Variants in FANCF observed in about 807,000 individuals in gnomAD.
The protein encoded by FANCF is Fanconi anemia group F protein.
For synonymous variants in FANCF, 257 were observed against 205.9 expected (o/e 1.25, Z -2.13); for missense variants, 552 against 481.8 (o/e 1.15, Z -1.36).
At position 22,624,748 on chromosome 11, in the gene FANCF, G is replaced by T. The variant is rs1858614312; in HGVS notation, c.1063C>A (p.Arg355Ser). 1 of 1,614,128 alleles carries T rather than the reference G, an allele frequency of 6.2e-7. No homozygotes were observed. The highest frequency in any genetic ancestry group is 8.5e-7 in the Non-Finnish European group (1 of 1,180,026). The change falls in exon 1 of 1, where the codon CGT becomes AGT. Residue 355 changes from arginine to serine, a missense_variant. Transcript: ENST00000327470. ...SIWTDLLLAL[R>S]SGAFRKRQVL... ...TGTCTTTTCCTAAATGCACCACTAC[G>T]AAGAGCTAATAAGAGGTCTGTCCAG... is the stretch of plus-strand genomic sequence containing the variant.
In FANCF at chr11:22,625,617, T is replaced by G. The variant is rs767858278; in HGVS notation, c.194A>C (p.Gln65Pro). 2 of 1,613,620 alleles carry G rather than the reference T, an allele frequency of 1.2e-6. No individual in the cohort carries two copies. The highest frequency in any genetic ancestry group is 1.7e-5 in the Admixed American group (1 of 60,018). ...CCCAAAGCCGCCCTCTTGCCTCCAC[T>G]GGTTGTGCAGCCGCCGCTCCAGAGC... ...RTALERRLHN[Q>P]WRQEGGFGRG... The change falls in exon 1 of 1, where the codon CAG becomes CCG. Residue 65 changes from glutamine to proline, a missense_variant. Coordinates refer to ENST00000327470, the MANE Select transcript of FANCF (RefSeq NM_022725.4).
rs563296397 is a variant in FANCF, at chr11:22,623,017, G to A, written c.*1669C>T. The A allele has an allele frequency of 3.9e-5, 8 of 205,140 alleles. No individual in the cohort carries two copies. Among genetic ancestry groups the A allele is most frequent in the Middle Eastern group, 1.6e-3 (1 of 622 alleles). The allele number at this position is 205,140 out of a possible 1,614,324, so 12.7% of individuals were successfully genotyped here. On this transcript the variant is annotated 3_prime_UTR_variant, in exon 1 of 1. Transcript: ENST00000327470. ...AAAGCTAACATTAGGCCTTGCTATG[G>A]TAGAACTCTTCACTGGGTTGTTTCT...
rs61889392 is a variant in FANCF, at chr11:22,623,978, G to A, written c.*708C>T. The A allele has an allele frequency of 2.7e-3, 585 of 217,816 alleles. 4 individuals carry two copies. Among genetic ancestry groups the A allele is most frequent in the Non-Finnish European group, 3.4e-3 (367 of 108,794 alleles). The allele number at this position is 217,816 out of a possible 1,614,324, so 13.5% of individuals were successfully genotyped here. A position where few individuals can be genotyped will look rare whatever the true frequency, so the allele number is the denominator to read the frequency against. On this transcript the variant is annotated 3_prime_UTR_variant, in exon 1 of 1. Transcript: ENST00000327470. ...TGCACTCCAGTCTGGGTGACAGAGC[G>A]AGACTCCATCTCAAAAAAAAAAAAG...
rs778328116 is a variant in FANCF at position 22,625,425 on chromosome 11, A to C, written c.386T>G (p.Leu129Arg). 1 of 1,614,020 alleles carries C rather than the reference A, an allele frequency of 6.2e-7. No homozygotes were observed. Among genetic ancestry groups the C allele is most frequent in the Non-Finnish European group, 8.5e-7 (1 of 1,179,972 alleles). ...GGCAAGGCGGGCCAGGCTCTCTTGG[A>C]GTGTCTCCTCATCGGCGTCCCGGAC... ...PGVRDADEET[L>R]QESLARLARR... is the part of the protein sequence containing the mutation. The change falls in exon 1 of 1, where the codon CTC (leucine) becomes CGC (arginine). Residue 129 changes from leucine (L) to arginine (R), a missense_variant. Transcript: ENST00000327470.
Position 22,625,310 on chromosome 11 carries a change from C to T in FANCF, c.501G>A (p.Ala167=). The part of the protein sequence containing the change: ...LQEDSLMKTQ[A]ELLLERLQEV... ...CCTGCAGACGCTCCAGCAGCAGCTC[C>T]GCCTGGGTCTTCATCAGAGAGTCCT... Residue 167 remains alanine, a synonymous_variant, in exon 1 of 1, where the codon GCG becomes GCA. Coordinates refer to ENST00000327470, the MANE Select transcript of FANCF (RefSeq NM_022725.4). 1 of 1,614,246 alleles carries T rather than the reference C, an allele frequency of 6.2e-7. No individual in the cohort carries two copies.
chr11:22,624,924 C>A lies in FANCF; in HGVS notation c.887G>T (p.Gly296Val), dbSNP rs571674814. The change falls in exon 1 of 1, where the codon GGA (glycine) becomes GTA (valine). Residue 296 changes from glycine to valine, a missense_variant. Transcript: ENST00000327470. ...CCAGGGCACATCTTGGGACTCAGTT[C>A]CAACCCAAATGCCTTTCTGAAGGTC... is the stretch of plus-strand genomic sequence containing the variant. The part of the protein sequence containing the change: ...HYDLQKGIWV[G>V]TESQDVPWEE... 50 of 1,614,168 alleles carry A rather than the reference C, an allele frequency of 3.1e-5. No homozygotes were observed. In the South Asian group the frequency reaches 5.3e-4, roughly 17 times the overall value.
In FANCF at chr11:22,625,790, G is replaced by A. The variant is rs199867555; in HGVS notation, c.21C>T (p.His7=). 3.5e-5 allele frequency: 56 copies of A among 1,614,154 alleles called. 1 individual carries two copies. The Admixed American group carries it at 6.8e-4, about 20-fold the overall frequency. Reference sequence around the variant, plus strand: ...CCAGAAGCTCGGAAAAGCGATCCAGGTGCTGCAGAAGGGATTCCATGAGGT... The same window carrying A: ...CCAGAAGCTCGGAAAAGCGATCCAGATGCTGCAGAAGGGATTCCATGAGGT... MESLLQ[H]LDRFSELLAV... Residue 7 remains histidine, a synonymous_variant, in exon 1 of 1, where the codon CAC becomes CAT. Coordinates refer to ENST00000327470, the MANE Select transcript of FANCF (RefSeq NM_022725.4).
rs771462007 is a variant in FANCF, at chr11:22,625,727, G to T, written c.84C>A (p.Pro28=). The T allele has an allele frequency of 9.9e-6, 16 of 1,614,018 alleles. No individual in the cohort carries two copies. The highest frequency in any genetic ancestry group is 3.3e-4 in the Middle Eastern group (2 of 6,080). Residue 28 remains proline, a synonymous_variant, in exon 1 of 1, where the codon CCC becomes CCA. Coordinates refer to ENST00000327470, the MANE Select transcript of FANCF (RefSeq NM_022725.4). ...SSTTYVSTWD[P]ATVRRALQWA... ...ACTGCAAGGCCCGGCGCACGGTGGCGGGGTCCCAGGTGCTGACGTAGGTAG... is the reference window on the plus strand; with the variant it reads ...ACTGCAAGGCCCGGCGCACGGTGGCTGGGTCCCAGGTGCTGACGTAGGTAG...
chr11:22,625,134 A>C lies in FANCF; in HGVS notation c.677T>G (p.Ile226Ser), dbSNP rs755272604. The stretch of plus-strand genomic sequence containing the variant: ...GCTCCCCTCTCCAGGTGATTTGTGG[A>C]TGCCGGGTTCCAACTCTTCTTGGGG... Reference protein sequence around the residue: ...RRPQEELEPGIHKSPGEGSQV... With the variant: ...RRPQEELEPGSHKSPGEGSQV... Residue 226 changes from isoleucine to serine, a missense_variant, in exon 1 of 1, where the codon ATC becomes AGC. Coordinates refer to ENST00000327470, the MANE Select transcript of FANCF (RefSeq NM_022725.4). 1 of 1,607,986 alleles carries C rather than the reference A, an allele frequency of 6.2e-7. No individual in the cohort carries two copies. Among genetic ancestry groups the C allele is most frequent in the South Asian group, 1.1e-5 (1 of 90,762 alleles).
At position 22,625,629 on chromosome 11, in the gene FANCF, C is replaced by A. The variant is rs779046357; in HGVS notation, c.182G>T (p.Arg61Leu). 7 of 1,613,816 alleles carry A rather than the reference C, an allele frequency of 4.3e-6. No individual in the cohort carries two copies. The East Asian group carries it at 6.7e-5, about 15-fold the overall frequency. Residue 61 changes from arginine to leucine, a missense_variant, in exon 1 of 1, where the codon CGG becomes CTG. Arg to Leu is a moderately radical substitution (Grantham distance 102). Transcript: ENST00000327470. The part of the protein sequence containing the change: ...HGPIRTALER[R>L]LHNQWRQEGG... ...CTCTTGCCTCCACTGGTTGTGCAGC[C>A]GCCGCTCCAGAGCCGTGCGAATGGG...
Position 22,624,055 on chromosome 11 carries a change from G to C in FANCF, c.*631C>G. Reference sequence around the variant, plus strand: ...ATTTAATATCCAAAGGCATATATTCGTATTTACTGTGCTTTAAACATTTGT... The same window carrying C: ...ATTTAATATCCAAAGGCATATATTCCTATTTACTGTGCTTTAAACATTTGT... On this transcript the variant is annotated 3_prime_UTR_variant, in exon 1 of 1. Transcript: ENST00000327470. 1 of 230,642 alleles carries C rather than the reference G, an allele frequency of 4.3e-6. No homozygotes were observed. Among genetic ancestry groups the C allele is most frequent in the Non-Finnish European group, 8.6e-6 (1 of 116,514 alleles). The allele number at this position is 230,642 out of a possible 1,614,324, so 14.3% of individuals were successfully genotyped here.
chr11:22,624,025 C>G lies in FANCF; in HGVS notation c.*661G>C, dbSNP rs1268255368. On this transcript the variant is annotated 3_prime_UTR_variant, in exon 1 of 1. Transcript: ENST00000327470. ...AAAGTTTGATTCTTTTATCATCAAGCATTAATTTAATATCCAAAGGCATAT... is the reference window on the plus strand; with the variant it reads ...AAAGTTTGATTCTTTTATCATCAAGGATTAATTTAATATCCAAAGGCATAT... 1 of 227,856 alleles carries G rather than the reference C, an allele frequency of 4.4e-6. No individual in the cohort carries two copies. The highest frequency in any genetic ancestry group is 2.2e-5 in the African/African-American group (1 of 45,016). 14.1% of individuals were successfully genotyped at this position (227,856 alleles called of 1,614,324 possible).
Position 22,624,677 on chromosome 11 carries a change from C to A in FANCF, c.*9G>T. Reference sequence around the variant, plus strand: ...TATATTCTATATTCAAGTAATAACACAGCATTGCCTATACAGAACTGAGGC... The same window carrying A: ...TATATTCTATATTCAAGTAATAACAAAGCATTGCCTATACAGAACTGAGGC... On this transcript the variant is annotated 3_prime_UTR_variant, in exon 1 of 1. Coordinates refer to ENST00000327470, the MANE Select transcript of FANCF (RefSeq NM_022725.4). 6.2e-7 allele frequency: 1 copy of A among 1,612,876 alleles called. No individual in the cohort carries two copies. The highest frequency in any genetic ancestry group is 8.5e-7 in the Non-Finnish European group (1 of 1,178,842).
At position 22,625,744 on chromosome 11, in the gene FANCF, C is replaced by A. The variant is rs777143902; in HGVS notation, c.67G>T (p.Val23Phe). 6.7e-5 allele frequency: 108 copies of A among 1,614,040 alleles called. No individual in the cohort carries two copies. The highest frequency in any genetic ancestry group is 8.7e-5 in the Non-Finnish European group (103 of 1,180,040). Residue 23 changes from valine to phenylalanine, a missense_variant, in exon 1 of 1, where the codon GTC (valine) becomes TTC (phenylalanine). Physicochemically the swap from Val to Phe is conservative, Grantham distance 50. Transcript: ENST00000327470. ...ACGGTGGCGGGGTCCCAGGTGCTGACGTAGGTAGTGCTTGAGACCGCCAGA... is the reference window on the plus strand; with the variant it reads ...ACGGTGGCGGGGTCCCAGGTGCTGAAGTAGGTAGTGCTTGAGACCGCCAGA... ...ELLAVSSTTY[V>F]STWDPATVRR... is the part of the protein sequence containing the mutation.
chr11:22,625,747 A>G lies in FANCF; in HGVS notation c.64T>C (p.Tyr22His), dbSNP rs1858638924. 6.2e-7 allele frequency: 1 copy of G among 1,614,180 alleles called. No homozygotes were observed. The highest frequency in any genetic ancestry group is 1.3e-5 in the African/African-American group (1 of 75,068). Residue 22 changes from tyrosine to histidine, a missense_variant, in exon 1 of 1, where the codon TAC becomes CAC. Transcript: ENST00000327470. Reference sequence around the variant, plus strand: ...GTGGCGGGGTCCCAGGTGCTGACGTAGGTAGTGCTTGAGACCGCCAGAAGC... The same window carrying G: ...GTGGCGGGGTCCCAGGTGCTGACGTGGGTAGTGCTTGAGACCGCCAGAAGC... Reference protein sequence around the residue: ...SELLAVSSTTYVSTWDPATVR... With the variant: ...SELLAVSSTTHVSTWDPATVR...
rs936319992 is a variant in FANCF at position 22,625,770 on chromosome 11, A to G, written c.41T>C (p.Leu14Pro). Residue 14 changes from leucine to proline, a missense_variant, in exon 1 of 1, where the codon CTT becomes CCT. Transcript: ENST00000327470. Reference protein sequence around the residue: ...LLQHLDRFSELLAVSSTTYVS... With the variant: ...LLQHLDRFSEPLAVSSTTYVS... ...GTAGGTAGTGCTTGAGACCGCCAGA[A>G]GCTCGGAAAAGCGATCCAGGTGCTG... is the stretch of plus-strand genomic sequence containing the variant. 1.2e-6 allele frequency: 2 copies of G among 1,614,172 alleles called. No individual in the cohort carries two copies. Among genetic ancestry groups the G allele is most frequent in the Non-Finnish European group, 1.7e-6 (2 of 1,180,036 alleles).
chr11:22,625,699 C>A lies in FANCF; in HGVS notation c.112G>T (p.Ala38Ser). The A allele has an allele frequency of 6.2e-7, 1 of 1,614,098 alleles. No homozygotes were observed. The highest frequency in any genetic ancestry group is 1.7e-5 in the Admixed American group (1 of 60,032). ...PATVRRALQW[A>S]RYLRHIHRRF... is the part of the protein sequence containing the mutation. ...CGATGGATGTGGCGCAGGTAGCGCGCCCACTGCAAGGCCCGGCGCACGGTG... is the reference window on the plus strand; with the variant it reads ...CGATGGATGTGGCGCAGGTAGCGCGACCACTGCAAGGCCCGGCGCACGGTG... The change falls in exon 1 of 1, where the codon GCG becomes TCG. Residue 38 changes from alanine to serine, a missense_variant. Physicochemically the swap from Ala to Ser is moderately conservative, Grantham distance 99. Coordinates refer to ENST00000327470, the MANE Select transcript of FANCF (RefSeq NM_022725.4).
In FANCF at chr11:22,625,581, A is replaced by C. The variant is rs2133798342; in HGVS notation, c.230T>G (p.Val77Gly). ...RQEGGFGRGP[V>G]PGLANFQALG... ...GGCCTGGAAGTTCGCTAATCCCGGA[A>C]CTGGACCCCGCCCAAAGCCGCCCTC... Residue 77 changes from valine (V) to glycine (G), a missense_variant, in exon 1 of 1, where the codon GTT (valine) becomes GGT (glycine). Physicochemically the swap from Val to Gly is moderately radical, Grantham distance 109. Coordinates refer to ENST00000327470, the MANE Select transcript of FANCF (RefSeq NM_022725.4). 6.2e-7 allele frequency: 1 copy of C among 1,613,882 alleles called. No homozygotes were observed.
rs1018802413 is a variant in FANCF, at chr11:22,622,974, CTG to C, written c.*1710_*1711del. The C allele has an allele frequency of 9.9e-6, 2 of 201,226 alleles. No homozygotes were observed. The highest frequency in any genetic ancestry group is 2.3e-5 in the African/African-American group (1 of 43,584). 12.5% of individuals were successfully genotyped at this position (201,226 alleles called of 1,614,324 possible). On this transcript the variant is annotated 3_prime_UTR_variant, in exon 1 of 1. Transcript: ENST00000327470. ...AAATATAGGGAAGTAAGTTCACAAA[CTG>C]TTATTTTCTAAAGCTAAAGCTAACA... is the stretch of plus-strand genomic sequence containing the variant.
Sources: gnomAD v4.1 joint callset for allele counts on GRCh38, gnomAD v4.1.1 for gene constraint, MANE v1.5 for transcripts, NCBI Gene and HGNC (gene_info 2026-07-23, HGNC 2026-07-21) for gene names.